Variants in USF2 observed in about 807,000 individuals in gnomAD.
USF2 encodes upstream stimulatory factor 2.
USF2 carries 16 observed loss-of-function variants against 46.9 expected under a neutral mutation model. That is an observed-to-expected ratio of 0.34 (90% CI 0.23 to 0.52). The LOEUF is 0.52. USF2 is among the 20% of genes least tolerant of loss of function. The pLI, the probability that USF2 is intolerant of heterozygous loss-of-function variation, is 0.96. For missense variants in USF2, 411 were observed against 474.0 expected (o/e 0.87, Z 1.23); for synonymous variants, 239 against 194.1 (o/e 1.23, Z -1.92).
chr19:35,270,346 G>T, intron 4 of USF2, 101 bp from the exon 5 acceptor site: 1 of 1,508,146 alleles, frequency 6.6e-7, no homozygotes. Flanking sequence ...CCCCACTCCT[G>T]TTAATTGCAG....
chr19:35,274,446 G>A (rs10426435), intron 7 of USF2, among the ~76,000 whole-genome samples: 7,455 of 152,214 alleles, frequency 0.049, 587 homozygotes, highest in African/African-American at 0.17. Context: ...CAGAGTCACA[G>A]ACTCAAATGC....
intron 7 of USF2, chr19:35,275,660 T>G (rs997818233): frequency 1.3e-5 from 2 of 152,230 alleles, no homozygotes; most frequent in African/African-American, 4.8e-5. Flanking sequence ...TCTTTGACCT[T>G]TCTGTTATTT....
In USF2 at chr19:35,279,592, A is replaced by C. The variant is rs1020378052; in HGVS notation, c.*336A>C. The C allele has an allele frequency of 1.4e-5, 4 of 281,884 alleles. No homozygotes were observed. Among genetic ancestry groups the C allele is most frequent in the African/African-American group, 2.2e-5 (1 of 45,448 alleles). 17.5% of individuals were successfully genotyped at this position (281,884 alleles called of 1,614,324 possible). A position where few individuals can be genotyped will look rare whatever the true frequency, so the allele number is the denominator to read the frequency against. ...CCGCTGCCTCCTGCTCTCTGGAGGT[A>C]CTGAGACAGGGTGCTGATGGGAAGG... is the stretch of plus-strand genomic sequence containing the variant. On this transcript the variant is annotated 3_prime_UTR_variant, in exon 10 of 10. Coordinates refer to ENST00000222305, the MANE Select transcript of USF2 (RefSeq NM_003367.4).
In USF2 at chr19:35,270,611, G is replaced by A. The variant is rs1330183864; in HGVS notation, c.580+14G>A. 6.2e-7 allele frequency: 1 copy of A among 1,612,602 alleles called. No individual in the cohort carries two copies. Among genetic ancestry groups the A allele is most frequent in the Non-Finnish European group, 8.5e-7 (1 of 1,178,906 alleles). On this transcript the variant is annotated intron_variant, in intron 5 of 9. Coordinates refer to ENST00000222305, the MANE Select transcript of USF2 (RefSeq NM_003367.4). Reference sequence around the variant, plus strand: ...TGCAGGCTGGAGGTGAGGAGTAGAAGTCAGATTGGCAGGTGGGGGAGGCAA... The same window carrying A: ...TGCAGGCTGGAGGTGAGGAGTAGAAATCAGATTGGCAGGTGGGGGAGGCAA...
rs1240364910 is a variant in USF2 at position 35,278,969 on chromosome 19, G to A, written c.846G>A (p.Lys282=). Residue 282 remains lysine, a synonymous_variant, in exon 9 of 10, where the codon AAG becomes AAA. Transcript: ENST00000222305. ...AGAGTAAAGGAGGGATCCTGTCCAAGGCCTGCGATTACATCCGGGAGTTGC... is the reference window on the plus strand; with the variant it reads ...AGAGTAAAGGAGGGATCCTGTCCAAAGCCTGCGATTACATCCGGGAGTTGC... ...TGASKGGILS[K]ACDYIRELRQ... The A allele has an allele frequency of 1.3e-6, 2 of 1,554,558 alleles. No homozygotes were observed. Among genetic ancestry groups the A allele is most frequent in the Admixed American group, 1.9e-5 (1 of 52,194 alleles).
At chr19:35,278,641 C>A in intron 7 of USF2, 57 bp from the exon 8 acceptor site, 3 of 1,575,994 alleles carry the variant, frequency 1.9e-6, no homozygotes, top group Non-Finnish European at 2.6e-6. Context: ...CCTGTGAGGA[C>A]GGCCGCTCAG....
At chr19:35,278,896 G>C in intron 8 of USF2, 50 bp from the exon 9 acceptor site, 1 of 1,582,844 alleles carries the variant, frequency 6.3e-7, no homozygotes, top group Non-Finnish European at 8.6e-7. Context: ...CTGGGGTGGA[G>C]GCCGGTGGGC....
chr19:35,271,839 A>C (rs2066161131), intron 7 of USF2, among the ~76,000 whole-genome samples: 1 of 152,014 alleles, frequency 6.6e-6, no homozygotes, highest in Admixed American at 6.6e-5. Flanking sequence ...TCTGGCCTGG[A>C]GCGTCAGGGA....
In USF2 at chr19:35,271,156, T is replaced by G; in HGVS notation, c.727+15T>G. The G allele has an allele frequency of 6.2e-7, 1 of 1,613,454 alleles. No individual in the cohort carries two copies. The highest frequency in any genetic ancestry group is 8.5e-7 in the Non-Finnish European group (1 of 1,179,916). ...GCACAACGAAGGTGAGGACAAGGTG[T>G]GGCTCCGGGTCCCCCTGACCACCAC... On this transcript the variant is annotated intron_variant, in intron 7 of 9. Transcript: ENST00000222305.
In USF2 at chr19:35,278,726, C is replaced by T. The variant is rs756328309; in HGVS notation, c.756C>T (p.Asn252=). The change falls in exon 8 of 10, where the codon AAC becomes AAT. Residue 252 remains asparagine (N), a synonymous_variant. Coordinates refer to ENST00000222305, the MANE Select transcript of USF2 (RefSeq NM_003367.4). ...EVERRRRDKI[N]NWIVQLSKII... ...AGCGGAGGCGGAGGGACAAGATCAA[C>T]AACTGGATCGTCCAGCTTTCGAAAA... 7.9e-5 allele frequency: 128 copies of T among 1,614,078 alleles called. No homozygotes were observed. Among genetic ancestry groups the T allele is most frequent in the Non-Finnish European group, 9.8e-5 (116 of 1,180,046 alleles).
chr19:35,276,316 C>T (rs2066233174), intron 7 of USF2, among the ~76,000 whole-genome samples: 1 of 152,080 alleles, frequency 6.6e-6, no homozygotes, highest in Admixed American at 6.6e-5. Flanking sequence ...ATGTGATCCA[C>T]CCTCCCAAAG....
At chr19:35,278,327 C>T (rs1419174468) in intron 7 of USF2, 1 of 237,130 alleles carries the variant, frequency 4.2e-6, no homozygotes, top group African/African-American at 2.3e-5. Flanking sequence ...CCACTGTGAC[C>T]AGAGCTCCAT....
chr19:35,270,939 C>A, intron 6 of USF2, 134 bp downstream of exon 6: 1 of 1,416,010 alleles, frequency 7.1e-7, no homozygotes, highest in African/African-American at 1.4e-5. Flanking sequence ...TTCTGCTGCT[C>A]TAGTGCACAT....
chr19:35,270,135 G>T (rs576764367), intron 4 of USF2, 132 bp downstream of exon 4: 6 of 1,094,386 alleles, frequency 5.5e-6, no homozygotes, highest in Non-Finnish European at 4.9e-6. Flanking sequence ...AGGCTGCATG[G>T]GGCCAGATCC....
At chr19:35,272,212 C>T (rs2066167163) in intron 7 of USF2, among the ~76,000 whole-genome samples, 1 of 152,282 alleles carries the variant, frequency 6.6e-6, no homozygotes, top group South Asian at 2.1e-4. Context: ...GATGATAGGA[C>T]AGACAAGGTC....
chr19:35,269,691 G>A lies in USF2; in HGVS notation c.220G>A (p.Gly74Arg), dbSNP rs1163422090. The change falls in exon 3 of 10, where the codon GGA (glycine) becomes AGA (arginine). Residue 74 changes from glycine (G) to arginine (R), a missense_variant. Physicochemically the swap from Gly to Arg is moderately radical, Grantham distance 125. Around this residue, in one of 2 missense-constraint regions of USF2, gnomAD observed 318 missense variants for 322.4 expected, o/e 0.99. Coordinates refer to ENST00000222305, the MANE Select transcript of USF2 (RefSeq NM_003367.4). ...IQYQFRTETN[G>R]GQVTYRVVQV... is the part of the protein sequence containing the mutation. ...GTACCAGTTCCGCACAGAGACAAAT[G>A]GAGGACAGGTGAGCGGCGGGCCGCG... The A allele has an allele frequency of 6.5e-7, 1 of 1,548,822 alleles. No homozygotes were observed. The highest frequency in any genetic ancestry group is 1.2e-5 in the South Asian group (1 of 83,152).
Position 35,279,262 on chromosome 19 carries a change from G to A in USF2, c.*6G>A, listed in dbSNP as rs368717900. On this transcript the variant is annotated 3_prime_UTR_variant, in exon 10 of 10. Coordinates refer to ENST00000222305, the MANE Select transcript of USF2 (RefSeq NM_003367.4). ...GCGAGGGCACCCGGCAGTGACGCCCGCCACCACCACGCAGCCGCCGCCGCC... is the reference window on the plus strand; with the variant it reads ...GCGAGGGCACCCGGCAGTGACGCCCACCACCACCACGCAGCCGCCGCCGCC... 4.6e-5 allele frequency: 70 copies of A among 1,515,402 alleles called. No homozygotes were observed. Among genetic ancestry groups the A allele is most frequent in the Admixed American group, 6.3e-5 (3 of 47,874 alleles). The allele number at this position is 1,515,402 out of a possible 1,614,324, so 93.9% of individuals were successfully genotyped here.
intron 2 of USF2, 26 bp from the exon 3 acceptor site, chr19:35,269,555 C>A (rs779697165): frequency 6.4e-7 from 1 of 1,565,192 alleles, no homozygotes; most frequent in Non-Finnish European, 8.6e-7. Context: ...CGGCCCTGAC[C>A]GTGCCCCGAC....
chr19:35,273,046 C>T (rs943937504), intron 7 of USF2, among the ~76,000 whole-genome samples: 2 of 151,950 alleles, frequency 1.3e-5, no homozygotes, highest in African/African-American at 4.8e-5. Context: ...ACTCAGAACC[C>T]TCCCACCCCA....
Sources: gnomAD v4.1 joint callset for allele counts (sites outside exome capture counted in the v4.1 genomes callset) on GRCh38, gnomAD v4.1.1 for gene constraint, gnomAD v4.1.1 regional missense constraint, MANE v1.5 for transcripts, NCBI Gene and HGNC (gene_info 2026-07-23, HGNC 2026-07-21) for gene names.